MGAM: variants seen among roughly 807,000 people sequenced by gnomAD.
MGAM encodes alpha-1,4-glucosidase.
A neutral mutation model predicts 358.8 loss-of-function variants in MGAM; 253 were observed. That is an observed-to-expected ratio of 0.71 (90% confidence interval 0.64 to 0.78). MGAM has a LOEUF of 0.78. MGAM is among the 30% of genes least tolerant of loss of function. MGAM has a pLI of 0.00. For synonymous variants in MGAM, 1,105 were observed against 1,227.1 expected, an observed-to-expected ratio of 0.90 and a Z score of 2.08; for missense variants, 3,080 against 3,432.6, an observed-to-expected ratio of 0.90 and a Z score of 2.57.
chr7:142,052,528 A>G, intron 25 of MGAM, 82 bp downstream of exon 25: 4 of 1,535,208 alleles, frequency 2.6e-6, no homozygotes, highest in African/African-American at 1.4e-5. Context: ...TGGTACTTAC[A>G]TAACTACTTA....
chr7:142,076,127 A>T lies in MGAM; in HGVS notation c.5276-76A>T, dbSNP rs1356347674. On this transcript the variant is annotated intron_variant, in intron 45 of 70. Coordinates refer to ENST00000475668, the MANE Select transcript of MGAM (RefSeq NM_001365693.1). ...CATTTGTGACATCAGGATGTAACTG[A>T]AAAGAGTGGGAGTGTGAAATCTGTT... The T allele has an allele frequency of 1.7e-6, 2 of 1,147,774 alleles. 1 individual carries two copies. Among genetic ancestry groups the T allele is most frequent in the Non-Finnish European group, 2.6e-6 (2 of 766,240 alleles). 71.1% of individuals were successfully genotyped at this position (1,147,774 alleles called of 1,614,324 possible).
chr7:142,036,964 C>G lies in MGAM; in HGVS notation c.2218C>G (p.Pro740Ala). 1 of 1,613,258 alleles carries G rather than the reference C, an allele frequency of 6.2e-7. No homozygotes were observed. The highest frequency in any genetic ancestry group is 8.5e-7 in the Non-Finnish European group (1 of 1,179,496). Residue 740 changes from proline to alanine, a missense_variant, in exon 18 of 71, where the codon CCC (proline) becomes GCC (alanine). Transcript: ENST00000475668. ...CAGCCGAGGGGACACGGTGGCCAGGCCCCTTTTGCATGAGTAAGTTCACCT... is the reference window on the plus strand; with the variant it reads ...CAGCCGAGGGGACACGGTGGCCAGGGCCCTTTTGCATGAGTAAGTTCACCT... Reference protein sequence around the residue: ...AHSRGDTVARPLLHEFYEDNS... With the variant: ...AHSRGDTVARALLHEFYEDNS...
intron 12 of MGAM, among the ~76,000 whole-genome samples, chr7:142,031,112 G>C (rs762096434): frequency 5.9e-5 from 9 of 152,130 alleles, no homozygotes; most frequent in Non-Finnish European, 1.2e-4. Flanking sequence ...TCACTGGTAA[G>C]TCCAGCGGAA....
intron 10 of MGAM, among the ~76,000 whole-genome samples, chr7:142,028,619 C>T (rs1249497352): frequency 6.6e-6 from 1 of 152,110 alleles, no homozygotes; most frequent in East Asian, 1.9e-4. Flanking sequence ...TGGGAATAAG[C>T]AAAATTTGCC....
rs1042164284 is a variant in MGAM, at chr7:142,081,125, T to G, written c.6002+180T>G. Among the ~76,000 whole-genome samples the G allele has an allele frequency of 1.0e-4, 15 of 146,648 alleles. 4 individuals are homozygous for G. Among genetic ancestry groups the G allele is most frequent in the Non-Finnish European group, 2.0e-4 (13 of 64,760 alleles). On this transcript the variant is annotated intron_variant, in intron 50 of 70. Transcript: ENST00000475668. The stretch of plus-strand genomic sequence containing the variant: ...TCTTTAGCATTCTGGAAATAATTAC[T>G]GAGGCAGTTGAGCGTGCCTGAGGAT...
rs111504120 is a variant in MGAM at position 142,097,697 on chromosome 7, A to G, written c.7749+48A>G. 5,424 of 1,550,694 alleles carry G rather than the reference A, an allele frequency of 3.5e-3. 173 individuals are homozygous for G. The African/African-American group carries it at 0.062, about 18-fold the overall frequency. On this transcript the variant is annotated intron_variant, in intron 66 of 70. Transcript: ENST00000475668. ...ACAACACGGGAAAATGGTAGAGAGT[A>G]CAAAGGCTTTAGATCTGATAGACCT...
intron 7 of MGAM, among the ~76,000 whole-genome samples, chr7:142,024,237 A>G (rs1231032208): frequency 6.6e-6 from 1 of 151,916 alleles, no homozygotes; most frequent in Non-Finnish European, 1.5e-5. Flanking sequence ...TCAAAAAAAT[A>G]AAATAAAATA....
intron 68 of MGAM, among the ~76,000 whole-genome samples, chr7:142,101,243 A>T (rs543642842): frequency 6.6e-6 from 1 of 152,270 alleles, no homozygotes; most frequent in African/African-American, 2.4e-5. Context: ...AAGAGGGGTA[A>T]TACCTCTATC....
intron 21 of MGAM, among the ~76,000 whole-genome samples, chr7:142,045,645 ATAT>A (rs1250858582): frequency 1.9e-5 from 2 of 106,282 alleles, no homozygotes; most frequent in Non-Finnish European, 3.5e-5. Context: ...TATATAATAT[ATAT>A]TATATACATA....
At chr7:142,041,977 T>TAC (rs1563145217) in intron 21 of MGAM, among the ~76,000 whole-genome samples, 1,579 of 22,310 alleles carry the variant, frequency 0.071, 100 homozygotes, top group Non-Finnish European at 0.11. Context: ...ATATTATATA[T>TAC]ATATAATATA....
At chr7:142,054,450 C>T (rs78201870) in intron 26 of MGAM, among the ~76,000 whole-genome samples, 2,186 of 152,036 alleles carry the variant, frequency 0.014, 51 homozygotes, top group African/African-American at 0.05. Context: ...TATATATACT[C>T]ATATACCCAC....
intron 70 of MGAM, among the ~76,000 whole-genome samples, chr7:142,103,980 G>A (rs936372123): frequency 1.3e-5 from 2 of 151,758 alleles, no homozygotes; most frequent in African/African-American, 2.4e-5. Flanking sequence ...TGCCTCCCAA[G>A]TAGCTGTGAC....
At chr7:142,090,856 G>A (rs1815319721) in intron 57 of MGAM, among the ~76,000 whole-genome samples, 1 of 146,476 alleles carries the variant, frequency 6.8e-6, no homozygotes, top group African/African-American at 2.4e-5. Context: ...TATATATTTT[G>A]TGTCAAGTTC....
chr7:142,067,986 A>AT (rs71913806), intron 42 of MGAM, among the ~76,000 whole-genome samples: 1,211 of 8,674 alleles, frequency 0.14, 209 homozygotes, highest in African/African-American at 0.21. Flanking sequence ...ATATATATAT[A>AT]TTTTTTTTTT....
Position 142,041,989 on chromosome 7 carries a change from TATATATATATTATATATATA to T in MGAM, c.2498+1149_2498+1168del, listed in dbSNP as rs1159649057. Among the ~76,000 whole-genome samples the T allele has an allele frequency of 8.6e-3, 114 of 13,182 alleles. 8 individuals are homozygous for T. Among genetic ancestry groups the T allele is most frequent in the African/African-American group, 0.03 (107 of 3,510 alleles). 8.6% of individuals were successfully genotyped at this position (13,182 alleles called of 152,430 possible). A position where few individuals can be genotyped will look rare whatever the true frequency, so the allele number is the denominator to read the frequency against. On this transcript the variant is annotated intron_variant, in intron 21 of 70. Transcript: ENST00000475668. ...TATATATTATATATATATAATATAA[TATATATATATTATATATATA>T]ATATAATATATATATATTATATTAT...
At chr7:142,055,855 A>G in intron 28 of MGAM, 129 bp downstream of exon 28, 3 of 1,480,384 alleles carry the variant, frequency 2.0e-6, no homozygotes, top group South Asian at 1.2e-5. Flanking sequence ...GCCAATTCTC[A>G]GGCTCCTTTG....
intron 4 of MGAM, among the ~76,000 whole-genome samples, chr7:142,020,351 G>T (rs1303853986): frequency 1.3e-5 from 2 of 152,064 alleles, no homozygotes; most frequent in Admixed American, 6.5e-5. Flanking sequence ...AATGTAAAGG[G>T]TATCTAATTA....
Position 142,041,921 on chromosome 7 carries a change from A to T in MGAM, c.2498+1075A>T, listed in dbSNP as rs1808672260. On this transcript the variant is annotated intron_variant, in intron 21 of 70. Coordinates refer to ENST00000475668, the MANE Select transcript of MGAM (RefSeq NM_001365693.1). ...ATATATATATTATATATATACGTATAATATATAATATATATATTATATATA... is the reference window on the plus strand; with the variant it reads ...ATATATATATTATATATATACGTATTATATATAATATATATATTATATATA... Among the ~76,000 whole-genome samples, 16 of 19,188 alleles carry T rather than the reference A, an allele frequency of 8.3e-4. No homozygotes were observed. The East Asian group carries it at 1.0e-2, about 12-fold the overall frequency. 12.6% of individuals were successfully genotyped at this position (19,188 alleles called of 152,430 possible). A position where few individuals can be genotyped will look rare whatever the true frequency, so the allele number is the denominator to read the frequency against.
intron 21 of MGAM, among the ~76,000 whole-genome samples, chr7:142,046,108 T>TTATATTTA (rs1810368475): frequency 1.4e-5 from 2 of 142,608 alleles, no homozygotes. Context: ...ATATTTATTT[T>TTATATTTA]TATATTTATA....
Sources: allele counts gnomAD v4.1 joint callset (sites outside exome capture counted in the v4.1 genomes callset), GRCh38; gene constraint gnomAD v4.1.1; transcripts MANE v1.5; gene names NCBI Gene and HGNC (gene_info 2026-07-23, HGNC 2026-07-21).